Variants in MACROD2 observed in about 807,000 individuals in gnomAD.
MACROD2 encodes the protein ADP-ribose glycohydrolase MACROD2.
In MACROD2, 36 loss-of-function variants were observed where a neutral mutation model predicts 70.4. That is an observed-to-expected ratio of 0.51 (90% confidence interval 0.39 to 0.68). MACROD2 has a LOEUF of 0.68. Ranked by LOEUF, MACROD2 falls within the 30% of genes least tolerant of loss-of-function variation. MACROD2 has a pLI of 0.00. For missense variants in MACROD2, 496 were observed against 538.4 expected (o/e 0.92, Z 0.78); for synonymous variants, 172 against 178.8 (o/e 0.96, Z 0.30).
chr20:14,181,409 C>T (rs989455635), intron 3 of MACROD2, among the ~76,000 whole-genome samples: 9 of 151,710 alleles, frequency 5.9e-5, no homozygotes, highest in African/African-American at 1.7e-4. Flanking sequence ...AATAGAGTGA[C>T]GAAAATGATG....
At chr20:15,329,499 A>G (rs1385972899) in intron 6 of MACROD2, among the ~76,000 whole-genome samples, 1 of 152,094 alleles carries the variant, frequency 6.6e-6, no homozygotes, top group Non-Finnish European at 1.5e-5. Context: ...GCACTTAGGA[A>G]GGCAGAGGTG....
intron 7 of MACROD2, among the ~76,000 whole-genome samples, chr20:15,479,818 T>C (rs961901531): frequency 6.6e-6 from 1 of 152,220 alleles, no homozygotes; most frequent in African/African-American, 2.4e-5. Flanking sequence ...AGACAAATGT[T>C]TGATGCTCTT....
chr20:15,616,772 A>G (rs1023009996), intron 8 of MACROD2, among the ~76,000 whole-genome samples: 3 of 152,136 alleles, frequency 2.0e-5, no homozygotes, highest in Non-Finnish European at 4.4e-5. Flanking sequence ...ATAGGCCCAT[A>G]TGGTATTCTG....
intron 8 of MACROD2, among the ~76,000 whole-genome samples, chr20:15,547,391 C>A (rs1031199849): frequency 6.6e-6 from 1 of 152,170 alleles, no homozygotes; most frequent in African/African-American, 2.4e-5. Context: ...TCATAATATG[C>A]CTATCGCCAT....
intron 6 of MACROD2, among the ~76,000 whole-genome samples, chr20:15,303,871 G>A (rs940078671): frequency 6.6e-6 from 1 of 151,970 alleles, no homozygotes; most frequent in African/African-American, 2.4e-5. Flanking sequence ...TTCTCCATCT[G>A]TTGGAATTTT....
At chr20:15,330,922 C>T (rs1340055390) in intron 6 of MACROD2, among the ~76,000 whole-genome samples, 1 of 151,628 alleles carries the variant, frequency 6.6e-6, no homozygotes, top group African/African-American at 2.4e-5. Flanking sequence ...CTGCCCCTGG[C>T]TATCTCTTAC....
chr20:14,205,565 A>G (rs1219369560), intron 3 of MACROD2, among the ~76,000 whole-genome samples: 3 of 152,072 alleles, frequency 2.0e-5, no homozygotes, highest in Non-Finnish European at 4.4e-5. Context: ...CCCACTTCAC[A>G]TTGATTTATT....
At chr20:14,879,220 A>G (rs746949382) in intron 5 of MACROD2, among the ~76,000 whole-genome samples, 1 of 152,154 alleles carries the variant, frequency 6.6e-6, no homozygotes, top group Non-Finnish European at 1.5e-5. Context: ...GTTTACATTC[A>G]CTAACAACCC....
intron 6 of MACROD2, among the ~76,000 whole-genome samples, chr20:15,282,537 C>T (rs2077455039): frequency 6.6e-6 from 1 of 152,188 alleles, no homozygotes; most frequent in Admixed American, 6.5e-5. Context: ...GATCAAAATT[C>T]CAGAAATTTC....
intron 5 of MACROD2, among the ~76,000 whole-genome samples, chr20:15,184,161 C>G (rs577494871): frequency 6.6e-6 from 1 of 152,248 alleles, no homozygotes; most frequent in East Asian, 1.9e-4. Flanking sequence ...CTGCCTTAGA[C>G]AAATATAACA....
At chr20:14,790,977 C>T (rs1283018406) in intron 5 of MACROD2, among the ~76,000 whole-genome samples, 1 of 152,002 alleles carries the variant, frequency 6.6e-6, no homozygotes, top group East Asian at 1.9e-4. Context: ...TCGACAGCTA[C>T]CAGTACGTGT....
intron 3 of MACROD2, among the ~76,000 whole-genome samples, chr20:14,449,727 C>T (rs1270995577): frequency 2.0e-5 from 3 of 151,990 alleles, no homozygotes; most frequent in Non-Finnish European, 4.4e-5. Flanking sequence ...GTTTTCATAT[C>T]CTCATTTTAT....
intron 4 of MACROD2, among the ~76,000 whole-genome samples, chr20:14,647,978 G>C (rs1409738933): frequency 2.0e-5 from 3 of 152,156 alleles, no homozygotes; most frequent in Non-Finnish European, 4.4e-5. Flanking sequence ...GCTAGGTAGG[G>C]CAAAAGTGTC....
intron 6 of MACROD2, among the ~76,000 whole-genome samples, chr20:15,284,331 C>T (rs2077472686): frequency 1.3e-5 from 2 of 152,124 alleles, no homozygotes; most frequent in Admixed American, 6.6e-5. Context: ...CATTTAGAGT[C>T]AGCTCATTGT....
At chr20:14,952,799 G>A (rs1360797742) in intron 5 of MACROD2, among the ~76,000 whole-genome samples, 1 of 151,922 alleles carries the variant, frequency 6.6e-6, no homozygotes, top group East Asian at 1.9e-4. Flanking sequence ...TCACAAAGAG[G>A]GAAGTAAAAG....
At chr20:14,659,090 G>A (rs147794839) in intron 4 of MACROD2, among the ~76,000 whole-genome samples, 4 of 152,186 alleles carry the variant, frequency 2.6e-5, no homozygotes, top group East Asian at 1.9e-4. Flanking sequence ...CAAGAGATGC[G>A]GTTGTTGCTA....
chr20:15,983,441 T>C (rs1346105583), intron 13 of MACROD2, among the ~76,000 whole-genome samples: 1 of 152,174 alleles, frequency 6.6e-6, no homozygotes, highest in Non-Finnish European at 1.5e-5. Context: ...TGCTTGGGGA[T>C]GAACAACGGC....
chr20:14,483,184 T>C (rs544578182), intron 3 of MACROD2, among the ~76,000 whole-genome samples: 1 of 152,330 alleles, frequency 6.6e-6, no homozygotes, highest in East Asian at 1.9e-4. Context: ...ATTACACTTG[T>C]ACAAAAGCAG....
intron 8 of MACROD2, among the ~76,000 whole-genome samples, chr20:15,700,511 T>TG (rs2050441607): frequency 1.3e-5 from 2 of 152,222 alleles, no homozygotes; most frequent in South Asian, 4.1e-4. Flanking sequence ...TCTCTTATTT[T>TG]TCCCCCTGAA....
Sources: gnomAD v4.1 joint callset for allele counts (sites outside exome capture counted in the v4.1 genomes callset) on GRCh38, gnomAD v4.1.1 for gene constraint, MANE v1.5 for transcripts, NCBI Gene and HGNC (gene_info 2026-07-23, HGNC 2026-07-21) for gene names.